TLN2: variants seen among roughly 807,000 people sequenced by gnomAD.
TLN2 encodes the protein talin-2.
Under a neutral mutation model 294.7 loss-of-function variants are expected in TLN2, and 118 were observed. The ratio of observed to expected loss-of-function variants is 0.40; its 90% CI spans 0.34 to 0.47. The LOEUF (loss-of-function observed/expected upper bound fraction) is 0.47. Ranked by LOEUF, TLN2 falls within the 20% of genes least tolerant of loss-of-function variation. The probability of loss-of-function intolerance (pLI) is 0.84; values close to 1 mark genes in which losing one functional copy is unlikely to be tolerated. For missense variants in TLN2, 3,083 were observed against 3,282.2 expected, an observed-to-expected ratio of 0.94 and a Z score of 1.48; for synonymous variants, 1,431 against 1,304.5, an observed-to-expected ratio of 1.10 and a Z score of -2.09.
Position 62,783,761 on chromosome 15 carries a change from C to G in TLN2, c.5617-10C>G. ...TGTGTGTGTGTGTCTTGCTTGTTTTCTTTTTCCAGATGACTAAGTCGGTTA... is the reference window on the plus strand; with the variant it reads ...TGTGTGTGTGTGTCTTGCTTGTTTTGTTTTTCCAGATGACTAAGTCGGTTA... On this transcript the variant is annotated splice_polypyrimidine_tract_variant and intron_variant, in intron 44 of 58. Coordinates refer to ENST00000636159, the MANE Select transcript of TLN2 (RefSeq NM_015059.3). 2 of 1,586,440 alleles carry G rather than the reference C, an allele frequency of 1.3e-6. No individual in the cohort carries two copies. Among genetic ancestry groups the G allele is most frequent in the Non-Finnish European group, 8.6e-7 (1 of 1,160,664 alleles).
At chr15:62,494,822 A>G (rs1027253943) in intron 1 of TLN2, among the ~76,000 whole-genome samples, 3 of 152,100 alleles carry the variant, frequency 2.0e-5, no homozygotes, top group Non-Finnish European at 4.4e-5. Context: ...AGGGGATTCT[A>G]AGCAGCCCCC....
At chr15:62,694,059 C>T (rs1055929956) in intron 13 of TLN2, among the ~76,000 whole-genome samples, 9 of 149,230 alleles carry the variant, frequency 6.0e-5, no homozygotes, top group African/African-American at 1.5e-4. Context: ...GGCTCCGCCT[C>T]CCAGTTCAAG....
chr15:62,572,779 C>A (rs1437203771), intron 1 of TLN2, among the ~76,000 whole-genome samples: 1 of 145,312 alleles, frequency 6.9e-6, no homozygotes. Flanking sequence ...CCTCTCACAC[C>A]CCCACTGACC....
At chr15:62,717,725 C>A in intron 24 of TLN2, 36 bp downstream of exon 24, 2 of 1,448,340 alleles carry the variant, frequency 1.4e-6, no homozygotes, top group Non-Finnish European at 1.8e-6. Flanking sequence ...AGGTCAGCTG[C>A]AGATGACCCT....
intron 12 of TLN2, among the ~76,000 whole-genome samples, chr15:62,691,237 A>G (rs935005248): frequency 6.6e-6 from 1 of 152,028 alleles, no homozygotes; most frequent in African/African-American, 2.4e-5. Flanking sequence ...TTAATGTTAG[A>G]TCTTTTGTTA....
intron 1 of TLN2, among the ~76,000 whole-genome samples, chr15:62,468,602 G>A (rs1458546873): frequency 6.6e-6 from 1 of 151,950 alleles, no homozygotes; most frequent in Non-Finnish European, 1.5e-5. Context: ...AAAATTAGCC[G>A]GGTGTGGTGG....
In TLN2 at chr15:62,650,180, G is replaced by A; in HGVS notation, c.233G>A (p.Gly78Glu). ...RTLDYYMLRN[G>E]DILEYKKKQR... ...CTGGATTACTACATGTTGCGGAATG[G>A]GGTATGCTGCCAATCCCAGTGCTGT... The change falls in exon 5 of 59, where the codon GGG (glycine) becomes GAG (glutamate). Residue 78 changes from glycine to glutamate, a missense_variant and splice_region_variant. Gly to Glu is a moderately conservative substitution (Grantham distance 98). Coordinates refer to ENST00000636159, the MANE Select transcript of TLN2 (RefSeq NM_015059.3). 6.2e-7 allele frequency: 1 copy of A among 1,614,106 alleles called. No individual in the cohort carries two copies. Among genetic ancestry groups the A allele is most frequent in the Non-Finnish European group, 8.5e-7 (1 of 1,179,978 alleles).
chr15:62,642,721 A>T, intron 3 of TLN2, among the ~76,000 whole-genome samples: 1 of 147,352 alleles, frequency 6.8e-6, no homozygotes. Context: ...TTTTTGAGAC[A>T]GAGTCTTGCT....
At chr15:62,414,981 G>A (rs918319521) in intron 1 of TLN2, among the ~76,000 whole-genome samples, 11 of 140,432 alleles carry the variant, frequency 7.8e-5, no homozygotes, top group African/African-American at 2.8e-4. Context: ...GCGTGATCTC[G>A]GCTCCCTGCA....
At chr15:62,663,114 C>G (rs1020033178) in intron 9 of TLN2, among the ~76,000 whole-genome samples, 13 of 151,990 alleles carry the variant, frequency 8.6e-5, no homozygotes, top group African/African-American at 2.4e-4. Context: ...AGCGCCGGGC[C>G]TTGAGAGAGA....
chr15:62,486,086 TATC>T (rs2038374659), intron 1 of TLN2, among the ~76,000 whole-genome samples: 1 of 152,228 alleles, frequency 6.6e-6, no homozygotes, highest in Non-Finnish European at 1.5e-5. Context: ...TTGCCATACT[TATC>T]ATTCTCTGTA....
intron 28 of TLN2, among the ~76,000 whole-genome samples, chr15:62,735,545 A>G (rs1424015774): frequency 6.6e-6 from 1 of 152,248 alleles, no homozygotes; most frequent in African/African-American, 2.4e-5. Context: ...GCAGCTACAC[A>G]TGCATCAGAA....
intron 1 of TLN2, among the ~76,000 whole-genome samples, chr15:62,391,844 C>T (rs1279528826): frequency 6.6e-6 from 1 of 152,264 alleles, no homozygotes; most frequent in Non-Finnish European, 1.5e-5. Flanking sequence ...AGGGAACACG[C>T]CCCTCTTCCC....
intron 1 of TLN2, among the ~76,000 whole-genome samples, chr15:62,471,039 G>A (rs1490664200): frequency 6.6e-6 from 1 of 152,160 alleles, no homozygotes; most frequent in Non-Finnish European, 1.5e-5. Flanking sequence ...CTGGGGTTAG[G>A]GTGGGGGTAA....
intron 45 of TLN2, among the ~76,000 whole-genome samples, chr15:62,786,947 C>T (rs866702606): frequency 6.6e-6 from 1 of 152,196 alleles, no homozygotes; most frequent in Non-Finnish European, 1.5e-5. Flanking sequence ...GTTGCCCAGG[C>T]TGGAGTACAG....
At chr15:62,667,960 G>GA in intron 9 of TLN2, among the ~76,000 whole-genome samples, 1 of 152,288 alleles carries the variant, frequency 6.6e-6, no homozygotes, top group South Asian at 2.1e-4. Flanking sequence ...ACAGAGAAAT[G>GA]AAAATACTGT....
chr15:62,491,159 T>C (rs2038683763), intron 1 of TLN2, among the ~76,000 whole-genome samples: 1 of 151,980 alleles, frequency 6.6e-6, no homozygotes, highest in Non-Finnish European at 1.5e-5. Context: ...CTGTCTCTAC[T>C]AAAAATACAA....
chr15:62,640,447 C>T (rs921092816), intron 3 of TLN2: 1 of 435,148 alleles, frequency 2.3e-6, no homozygotes, highest in Admixed American at 2.5e-5. Flanking sequence ...GTAGCCTGGC[C>T]CTCTGGTCTT....
At chr15:62,596,237 C>T (rs1362954045) in intron 2 of TLN2, among the ~76,000 whole-genome samples, 4 of 135,076 alleles carry the variant, frequency 3.0e-5, no homozygotes, top group East Asian at 4.6e-4. Context: ...TGCACTCCAG[C>T]CTGGGCGACA....
Sources: allele counts gnomAD v4.1 joint callset (sites outside exome capture counted in the v4.1 genomes callset), GRCh38; gene constraint gnomAD v4.1.1; transcripts MANE v1.5; gene names NCBI Gene and HGNC (gene_info 2026-07-23, HGNC 2026-07-21).